Variants in CROCC2 observed in about 807,000 individuals in gnomAD.
CROCC2 encodes ciliary rootlet coiled-coil, rootletin family member 2.
A neutral mutation model predicts 177.6 loss-of-function variants in CROCC2; 163 were observed. The observed-to-expected ratio is 0.92, with a 90% CI of 0.81 to 1.05. The LOEUF is 1.05. Among genes scored for constraint, CROCC2 ranks in the 50% least tolerant of loss-of-function variants. CROCC2 has a pLI of 0.00. For missense variants in CROCC2, 1,929 were observed against 1,797.8 expected (o/e 1.07, Z -1.32); for synonymous variants, 904 against 787.3 (o/e 1.15, Z -2.48).
rs183459680 is a variant in CROCC2 at position 240,956,119 on chromosome 2, C to G, written c.2943+147C>G. On this transcript the variant is annotated intron_variant, in intron 19 of 31. Coordinates refer to ENST00000690015, the MANE Select transcript of CROCC2 (RefSeq NM_001351305.2). ...CAGTTTCCCCCAGGTGCCTCCAGGG[C>G]TCCTGGTGGGAGGGGCACTCAATGG... 6.6e-4 allele frequency: 425 copies of G among 641,628 alleles called. No homozygotes were observed. The African/African-American group carries it at 6.7e-3, about 10-fold the overall frequency. 39.7% of individuals were successfully genotyped at this position (641,628 alleles called of 1,614,324 possible).
At chr2:240,927,866 G>A (rs2106458473) in intron 5 of CROCC2, among the ~76,000 whole-genome samples, 1 of 152,346 alleles carries the variant, frequency 6.6e-6, no homozygotes, top group South Asian at 2.1e-4. Context: ...GACCAGGCTG[G>A]TCTCGAACTC....
intron 4 of CROCC2, among the ~76,000 whole-genome samples, chr2:240,922,919 G>A (rs879487381): frequency 9.2e-5 from 14 of 152,224 alleles, no homozygotes; most frequent in East Asian, 3.9e-4. Flanking sequence ...ACCCCAGGCC[G>A]AGTGGAAACA....
chr2:240,931,654 G>A (rs925952055), intron 7 of CROCC2, among the ~76,000 whole-genome samples: 2 of 152,230 alleles, frequency 1.3e-5, no homozygotes, highest in Non-Finnish European at 2.9e-5. Context: ...TAGGGAGGCG[G>A]CTCCCCAGTG....
rs1193441002 is a variant in CROCC2, at chr2:240,963,757, G to A, written c.3289G>A (p.Glu1097Lys). ...SELRATICRA[E>K]QEKASFKRSK... ...GCTGCGGGCCACCATCTGCAGGGCC[G>A]AACAGGAGAAGGCCAGGTATGGCGG... is the stretch of plus-strand genomic sequence containing the variant. The change falls in exon 21 of 32, where the codon GAA becomes AAA. Residue 1097 changes from glutamate (E) to lysine (K), a missense_variant. By Grantham distance (56) the Glu-to-Lys change is moderately conservative. Coordinates refer to ENST00000690015, the MANE Select transcript of CROCC2 (RefSeq NM_001351305.2). 31 of 1,549,538 alleles carry A rather than the reference G, an allele frequency of 2.0e-5. No individual in the cohort carries two copies. The highest frequency in any genetic ancestry group is 4.1e-5 in the African/African-American group (3 of 73,026).
At chr2:240,919,251 C>T (rs985835614) in intron 2 of CROCC2, among the ~76,000 whole-genome samples, 3 of 152,192 alleles carry the variant, frequency 2.0e-5, no homozygotes, top group African/African-American at 7.2e-5. Context: ...CATATCGATA[C>T]CCACAGGGCA....
At chr2:240,983,596 T>A (rs1169857287) in intron 28 of CROCC2, 10 of 1,283,368 alleles carry the variant, frequency 7.8e-6, no homozygotes, top group African/African-American at 7.7e-5. Flanking sequence ...GCAGCGGTGG[T>A]CCTTAGAGAG....
intron 27 of CROCC2, among the ~76,000 whole-genome samples, chr2:240,971,791 T>A (rs2106483495): frequency 6.6e-6 from 1 of 152,280 alleles, no homozygotes; most frequent in South Asian, 2.1e-4. Context: ...CCCCTGGACC[T>A]GTCCTCCTGG....
intron 5 of CROCC2, among the ~76,000 whole-genome samples, chr2:240,926,801 G>C (rs1277493582): frequency 3.3e-5 from 5 of 152,388 alleles, no homozygotes; most frequent in African/African-American, 1.2e-4. Context: ...ACCCCGAGAG[G>C]GAATGCCGGC....
At chr2:240,922,820 G>A (rs2059365497) in intron 4 of CROCC2, among the ~76,000 whole-genome samples, 175 bp downstream of exon 4, 1 of 152,188 alleles carries the variant, frequency 6.6e-6, no homozygotes, top group Non-Finnish European at 1.5e-5. Context: ...AGGGCAGGGG[G>A]CTGGAGAAGG....
intron 28 of CROCC2, among the ~76,000 whole-genome samples, chr2:240,986,878 T>G (rs1268222700): frequency 6.6e-6 from 1 of 152,038 alleles, no homozygotes; most frequent in Non-Finnish European, 1.5e-5. Context: ...GGAAGGCAGG[T>G]GCTGAGGCCT....
In CROCC2 at chr2:240,965,948, C is replaced by A; in HGVS notation, c.3916C>A (p.Gln1306Lys). ...CCGCCGTGGCCTGGGGCTCCAGAGA[C>A]AGAGCCCGTGGGCCTCCCCGGAGCA... ...TLRRGLGLQRQSPWASPEQPG... is the reference protein window; with the variant it reads ...TLRRGLGLQRKSPWASPEQPG... Residue 1306 changes from glutamine to lysine, a missense_variant, in exon 24 of 32, where the codon CAG becomes AAG. Transcript: ENST00000690015. 3 of 1,403,126 alleles carry A rather than the reference C, an allele frequency of 2.1e-6. No homozygotes were observed. The highest frequency in any genetic ancestry group is 2.8e-6 in the Non-Finnish European group (3 of 1,083,712). 86.9% of individuals were successfully genotyped at this position (1,403,126 alleles called of 1,614,324 possible).
At position 240,967,361 on chromosome 2, in the gene CROCC2, A is replaced by G; in HGVS notation, c.4163A>G (p.Gln1388Arg). The G allele has an allele frequency of 1.3e-6, 1 of 742,298 alleles. No individual in the cohort carries two copies. Among genetic ancestry groups the G allele is most frequent in the Non-Finnish European group, 2.4e-6 (1 of 410,760 alleles). 46.0% of individuals were successfully genotyped at this position (742,298 alleles called of 1,614,324 possible). ...TCTGCCCAGGATGACTCCCGCATCC[A>G]GATGGCGACCCTGAGCAGCCGGCTG... is the stretch of plus-strand genomic sequence containing the variant. ...AQRERDDSRI[Q>R]MATLSSRLSE... The change falls in exon 26 of 32, where the codon CAG (glutamine) becomes CGG (arginine). Residue 1388 changes from glutamine to arginine, a missense_variant. Physicochemically the swap from Gln to Arg is conservative, Grantham distance 43. This residue lies in a region of CROCC2 where 388 missense variants were observed against 352.7 expected (regional missense o/e 1.10). Transcript: ENST00000690015.
rs376679851 is a variant in CROCC2 at position 240,949,131 on chromosome 2, G to A, written c.2482+34G>A. The A allele has an allele frequency of 9.2e-5, 138 of 1,494,046 alleles. No homozygotes were observed. The East Asian group carries it at 1.6e-3, about 17-fold the overall frequency. 92.5% of individuals were successfully genotyped at this position (1,494,046 alleles called of 1,614,324 possible). A position where few individuals can be genotyped will look rare whatever the true frequency, so the allele number is the denominator to read the frequency against. On this transcript the variant is annotated intron_variant, in intron 16 of 31. Coordinates refer to ENST00000690015, the MANE Select transcript of CROCC2 (RefSeq NM_001351305.2). This position sits in a 1 kb window ranked among gnomAD's most constrained non-coding sequence, Gnocchi z 4.5. ...AGGGCGCTCCCTCAGCTCCTTCCCC[G>A]AAAGTCAGCCATGGAGGGGCCCCTG... is the stretch of plus-strand genomic sequence containing the variant.
Position 240,917,938 on chromosome 2 carries a change from C to G in CROCC2, c.79-788C>G, listed in dbSNP as rs1268568490. ...CGGCCCTCCCCAAGCTGTGCCCCTG[C>G]CCGGCAAAATGCCATTAGAGCCCAA... On this transcript the variant is annotated intron_variant, in intron 1 of 31. Transcript: ENST00000690015. This position sits in a 1 kb window ranked among gnomAD's most constrained non-coding sequence, Gnocchi z 4.9. Among the ~76,000 whole-genome samples, 2 of 152,186 alleles carry G rather than the reference C, an allele frequency of 1.3e-5. No individual in the cohort carries two copies. The highest frequency in any genetic ancestry group is 4.8e-5 in the African/African-American group (2 of 41,452).
At position 240,933,687 on chromosome 2, in the gene CROCC2, A is replaced by G. The variant is rs1392204272; in HGVS notation, c.1481A>G (p.Glu494Gly). ...KLLGREKAAL[E>G]MVVEELKGKA... ...ATCCCCAGGGAGAAGGCTGCTCTGG[A>G]GATGGTGGTGGAGGAGCTGAAAGGG... is the stretch of plus-strand genomic sequence containing the variant. Residue 494 changes from glutamate (E) to glycine (G), a missense_variant, in exon 11 of 32, where the codon GAG becomes GGG. By Grantham distance (98) the Glu-to-Gly change is moderately conservative. Coordinates refer to ENST00000690015, the MANE Select transcript of CROCC2 (RefSeq NM_001351305.2). 1.3e-5 allele frequency: 20 copies of G among 1,550,136 alleles called. No homozygotes were observed. The highest frequency in any genetic ancestry group is 1.7e-4 in the Middle Eastern group (1 of 5,942).
chr2:240,934,990 C>T lies in CROCC2; in HGVS notation c.1866C>T (p.Ser622=). The T allele has an allele frequency of 1.4e-6, 2 of 1,459,408 alleles. No individual in the cohort carries two copies. Among genetic ancestry groups the T allele is most frequent in the Non-Finnish European group, 1.8e-6 (2 of 1,103,954 alleles). The allele number at this position is 1,459,408 out of a possible 1,614,324, so 90.4% of individuals were successfully genotyped here. A position where few individuals can be genotyped will look rare whatever the true frequency, so the allele number is the denominator to read the frequency against. ...CGGAGGGAGTGGAGCAAAGGGACTCCCTGGCCGCAATGGCCGCCTTGATGG... is the reference window on the plus strand; with the variant it reads ...CGGAGGGAGTGGAGCAAAGGGACTCTCTGGCCGCAATGGCCGCCTTGATGG... ...LKSEGVEQRD[S]LAAMAALMEG... The change falls in exon 13 of 32, where the codon TCC becomes TCT. Residue 622 remains serine (S), a synonymous_variant. Transcript: ENST00000690015.
chr2:240,985,766 C>T (rs1274917475), intron 28 of CROCC2: 1 of 336,306 alleles, frequency 3.0e-6, no homozygotes, highest in Non-Finnish European at 6.0e-6. Context: ...TCCACACACA[C>T]CCAGGCACTC....
In CROCC2 at chr2:240,989,641, G is replaced by A. The variant is rs1236406523; in HGVS notation, c.4684-13G>A. The stretch of plus-strand genomic sequence containing the variant: ...TGAGAGACAGCAGTGAGATGCCCAA[G>A]TTCTCACTCCAGGCCCAGATGACAG... On this transcript the variant is annotated splice_polypyrimidine_tract_variant and intron_variant, in intron 29 of 31. Coordinates refer to ENST00000690015, the MANE Select transcript of CROCC2 (RefSeq NM_001351305.2). 24 of 1,532,198 alleles carry A rather than the reference G, an allele frequency of 1.6e-5. No individual in the cohort carries two copies. Among genetic ancestry groups the A allele is most frequent in the Non-Finnish European group, 2.1e-5 (24 of 1,133,222 alleles). The allele number at this position is 1,532,198 out of a possible 1,614,324, so 94.9% of individuals were successfully genotyped here.
rs1163315614 is a variant in CROCC2 at position 240,935,001 on chromosome 2, T to C, written c.1877T>C (p.Met626Thr). ...GVEQRDSLAA[M>T]AALMEGLAQD... ...GAGCAAAGGGACTCCCTGGCCGCAA[T>C]GGCCGCCTTGATGGAGGGGTTGGCT... Residue 626 changes from methionine (M) to threonine (T), a missense_variant, in exon 13 of 32, where the codon ATG (methionine) becomes ACG (threonine). By Grantham distance (81) the Met-to-Thr change is moderately conservative (BLOSUM62 -1). Transcript: ENST00000690015. 2.8e-6 allele frequency: 4 copies of C among 1,441,736 alleles called. No homozygotes were observed. The highest frequency in any genetic ancestry group is 2.7e-6 in the Non-Finnish European group (3 of 1,095,410). 89.3% of individuals were successfully genotyped at this position (1,441,736 alleles called of 1,614,324 possible).
Sources: allele counts gnomAD v4.1 joint callset (sites outside exome capture counted in the v4.1 genomes callset), GRCh38; gene constraint gnomAD v4.1.1; regional missense constraint gnomAD v4.1.1; non-coding constraint Gnocchi (gnomAD v3.1); transcripts MANE v1.5; gene names NCBI Gene and HGNC (gene_info 2026-07-23, HGNC 2026-07-21).